RAB38: variants seen among roughly 807,000 people sequenced by gnomAD.
RAB38 encodes RAB38, member RAS oncogene family, also known as ras-related protein Rab-38.
In RAB38, 15 loss-of-function variants were observed where a neutral mutation model predicts 18.4. The observed-to-expected ratio is 0.82, with a 90% CI of 0.55 to 1.26. The LOEUF (loss-of-function observed/expected upper bound fraction) is 1.26, where lower values mean the gene tolerates loss of function less well. Ranked by LOEUF, RAB38 falls within the 50% of genes most tolerant of loss-of-function variation. The probability of loss-of-function intolerance (pLI) is 0.00; values close to 1 mark genes in which losing one functional copy is unlikely to be tolerated. For synonymous variants in RAB38, 101 were observed against 104.4 expected (o/e 0.97, Z 0.20); for missense variants, 294 against 267.4 (o/e 1.10, Z -0.69).
the RAB38 span, among the ~76,000 whole-genome samples, chr11:87,960,291 C>T: frequency 1.1e-3 from 164 of 151,806 alleles, no homozygotes; most frequent in African/African-American, 3.4e-3. Flanking sequence ...AGTTCTAACA[C>T]GCCCCCATAT....
intron 2 of RAB38, among the ~76,000 whole-genome samples, chr11:88,140,107 C>T (rs1942888733): frequency 6.6e-6 from 1 of 152,202 alleles, no homozygotes; most frequent in Admixed American, 6.5e-5. Flanking sequence ...TGTTATGTGG[C>T]ATTGCCAAGC....
chr11:87,977,990 AT>A, the RAB38 span, among the ~76,000 whole-genome samples: 1 of 104,648 alleles, frequency 9.6e-6, no homozygotes, highest in Non-Finnish European at 1.8e-5. Context: ...TACATATCTT[AT>A]AAACTATTAT....
the RAB38 span, among the ~76,000 whole-genome samples, chr11:87,970,297 A>G: frequency 6.6e-6 from 1 of 152,130 alleles, no homozygotes; most frequent in Non-Finnish European, 1.5e-5. Flanking sequence ...ATCAGGGTCC[A>G]GCCCTGTGCT....
the RAB38 span, among the ~76,000 whole-genome samples, chr11:87,951,797 G>T: frequency 3.3e-5 from 5 of 152,268 alleles, no homozygotes; most frequent in South Asian, 1.0e-3. Flanking sequence ...TGAGGTGTCA[G>T]TCTGCCCCTA....
the RAB38 span, among the ~76,000 whole-genome samples, chr11:88,089,273 A>G: frequency 1.3e-5 from 2 of 151,672 alleles, no homozygotes; most frequent in Admixed American, 6.6e-5. Flanking sequence ...AGCCATTAGT[A>G]ATTGTACTTT....
At chr11:88,068,974 C>A in the RAB38 span, among the ~76,000 whole-genome samples, 1 of 152,230 alleles carries the variant, frequency 6.6e-6, no homozygotes, top group Admixed American at 6.5e-5. Flanking sequence ...TTCAGCCGGC[C>A]GCTGCAGTGT....
At chr11:88,173,855 C>G (rs777006435) in intron 1 of RAB38, 4 of 985,400 alleles carry the variant, frequency 4.1e-6, no homozygotes, top group Non-Finnish European at 4.8e-6. Context: ...AAGAAAAAGG[C>G]CTGGCAGTTC....
chr11:88,111,941 G>A (rs1363779615), downstream of RAB38, among the ~76,000 whole-genome samples: 1 of 152,170 alleles, frequency 6.6e-6, no homozygotes, highest in Admixed American at 6.5e-5. Context: ...TGCCAATGTA[G>A]TTCTGGCATG....
the RAB38 span, among the ~76,000 whole-genome samples, chr11:87,959,905 A>G: frequency 6.6e-6 from 1 of 152,078 alleles, no homozygotes; most frequent in Non-Finnish European, 1.5e-5. Flanking sequence ...CTACCTTCAT[A>G]CCTCTGAACT....
At chr11:88,106,844 A>C in the RAB38 span, among the ~76,000 whole-genome samples, 1 of 152,124 alleles carries the variant, frequency 6.6e-6, no homozygotes, top group African/African-American at 2.4e-5. Flanking sequence ...TTGCTTGGGA[A>C]TTCCAAGAAG....
At chr11:87,913,540 G>A in the RAB38 span, among the ~76,000 whole-genome samples, 2 of 152,050 alleles carry the variant, frequency 1.3e-5, no homozygotes, top group East Asian at 1.9e-4. Flanking sequence ...ATAGCCTGGC[G>A]CTGGAGTTTG....
At chr11:88,043,911 C>T in the RAB38 span, among the ~76,000 whole-genome samples, 1 of 152,182 alleles carries the variant, frequency 6.6e-6, no homozygotes, top group African/African-American at 2.4e-5. Context: ...GGTCCTCAGA[C>T]TAACCAGCCC....
chr11:87,895,375 G>A, the RAB38 span, among the ~76,000 whole-genome samples: 5 of 151,682 alleles, frequency 3.3e-5, no homozygotes, highest in Non-Finnish European at 7.4e-5. Flanking sequence ...TCCTTGTGTC[G>A]GGTACTGAGG....
the RAB38 span, among the ~76,000 whole-genome samples, chr11:87,873,922 G>GTGTATATA: frequency 7.0e-3 from 718 of 103,078 alleles, 3 homozygotes; most frequent in African/African-American, 0.01. Flanking sequence ...GTGTGTGTGT[G>GTGTATATA]TATATATATA....
chr11:87,930,489 C>A, the RAB38 span, among the ~76,000 whole-genome samples: 16 of 152,204 alleles, frequency 1.1e-4, 1 homozygote, highest in African/African-American at 3.9e-4. Flanking sequence ...GAGTAGATTG[C>A]AAAAATTTTC....
At chr11:88,012,446 T>TTA in the RAB38 span, among the ~76,000 whole-genome samples, 1 of 152,130 alleles carries the variant, frequency 6.6e-6, no homozygotes, top group African/African-American at 2.4e-5. Context: ...AAGGAGTATA[T>TTA]GGAACTTACT....
intron 1 of RAB38, among the ~76,000 whole-genome samples, chr11:88,169,135 A>C (rs971394675): frequency 6.6e-6 from 1 of 152,196 alleles, no homozygotes; most frequent in African/African-American, 2.4e-5. Context: ...CATATGTACT[A>C]TCTGACTTGG....
chr11:87,853,446 C>T, the RAB38 span, among the ~76,000 whole-genome samples: 1 of 152,270 alleles, frequency 6.6e-6, no homozygotes, highest in African/African-American at 2.4e-5. Flanking sequence ...GGAAGGTCTT[C>T]AAAAGGAACT....
chr11:88,172,042 G>T (rs1943316982), intron 1 of RAB38, among the ~76,000 whole-genome samples: 4 of 152,240 alleles, frequency 2.6e-5, no homozygotes, highest in Admixed American at 1.3e-4. Flanking sequence ...CCTTTAAAAA[G>T]AAGGCATAAT....
Sources: allele counts gnomAD v4.1 joint callset (sites outside exome capture counted in the v4.1 genomes callset), GRCh38; gene constraint gnomAD v4.1.1; transcripts MANE v1.5; gene names NCBI Gene and HGNC (gene_info 2026-07-23, HGNC 2026-07-21).